PALM2AKAP2: variants seen among roughly 807,000 people sequenced by gnomAD.
PALM2AKAP2 encodes PALM2 and AKAP2 fusion.
A neutral mutation model predicts 71.5 loss-of-function variants in PALM2AKAP2; 37 were observed. The ratio of observed to expected loss-of-function variants is 0.52; its 90% CI spans 0.40 to 0.68. The LOEUF is 0.68. PALM2AKAP2 is among the 30% of genes least tolerant of loss of function. The pLI is 0.00. For missense variants in PALM2AKAP2, 1,224 were observed against 1,191.8 expected, an observed-to-expected ratio of 1.03 and a Z score of -0.40; for synonymous variants, 468 against 478.8, an observed-to-expected ratio of 0.98 and a Z score of 0.29.
intron 1 of PALM2AKAP2, among the ~76,000 whole-genome samples, chr9:109,861,020 T>C (rs1274977088): frequency 2.0e-5 from 3 of 152,282 alleles, no homozygotes; most frequent in African/African-American, 7.2e-5. Context: ...GTCTAAATTC[T>C]GTGATCTCAT....
chr9:110,075,112 T>G (rs1270994156), intron 1 of PALM2AKAP2, among the ~76,000 whole-genome samples: 1 of 152,258 alleles, frequency 6.6e-6, no homozygotes, highest in African/African-American at 2.4e-5. Flanking sequence ...ATTGACAATC[T>G]TGAAAAAATT....
intron 2 of PALM2AKAP2, among the ~76,000 whole-genome samples, chr9:110,140,357 A>T (rs576475043): frequency 6.6e-6 from 1 of 152,290 alleles, no homozygotes; most frequent in East Asian, 1.9e-4. Flanking sequence ...TTCCAGTTTC[A>T]TCTTATACTT....
intron 1 of PALM2AKAP2, among the ~76,000 whole-genome samples, chr9:110,051,099 T>C (rs891459980): frequency 2.0e-5 from 3 of 152,220 alleles, no homozygotes; most frequent in African/African-American, 7.2e-5. Flanking sequence ...CATTTCACTT[T>C]CTTTCTGGGA....
At chr9:109,953,834 C>CAAAA (rs34719180) in intron 6 of PALM2AKAP2, among the ~76,000 whole-genome samples, 43 of 48,530 alleles carry the variant, frequency 8.9e-4, no homozygotes, top group African/African-American at 1.0e-3. Flanking sequence ...GACTCCATCT[C>CAAAA]AAAAAAAAAA....
At chr9:109,683,773 G>A (rs950448541) in intron 1 of PALM2AKAP2, among the ~76,000 whole-genome samples, 1 of 152,022 alleles carries the variant, frequency 6.6e-6, no homozygotes, top group Non-Finnish European at 1.5e-5. Flanking sequence ...ATGCTGGTAG[G>A]TTAGATTACT....
intron 1 of PALM2AKAP2, among the ~76,000 whole-genome samples, chr9:109,662,925 T>C (rs2118461865): frequency 6.6e-6 from 1 of 152,334 alleles, no homozygotes. Flanking sequence ...AATTTATCCA[T>C]TTCTTCTAGA....
chr9:109,830,942 C>G (rs771954504), intron 1 of PALM2AKAP2, among the ~76,000 whole-genome samples: 1 of 151,916 alleles, frequency 6.6e-6, no homozygotes, highest in African/African-American at 2.4e-5. Flanking sequence ...AACCTTCATG[C>G]GACCCTAGAT....
At chr9:109,737,101 G>C (rs190350765) in intron 1 of PALM2AKAP2, among the ~76,000 whole-genome samples, 1 of 152,186 alleles carries the variant, frequency 6.6e-6, no homozygotes, top group Admixed American at 6.5e-5. Flanking sequence ...GCCAGGAAGC[G>C]TTCTTTCTCA....
chr9:110,113,245 T>C (rs1281173967), intron 1 of PALM2AKAP2, among the ~76,000 whole-genome samples: 1 of 7,512 alleles, frequency 1.3e-4, no homozygotes, highest in Non-Finnish European at 3.0e-4. Context: ...GTTTTTTTCT[T>C]TTTTTTTTTT....
chr9:109,870,466 A>T (rs779228590), intron 2 of PALM2AKAP2, among the ~76,000 whole-genome samples: 17 of 152,192 alleles, frequency 1.1e-4, no homozygotes, highest in African/African-American at 4.1e-4. Context: ...GTAGCCTGTT[A>T]GCCACCGTCA....
chr9:109,807,192 A>C (rs1249866053), intron 1 of PALM2AKAP2, among the ~76,000 whole-genome samples: 4 of 152,200 alleles, frequency 2.6e-5, no homozygotes, highest in Admixed American at 1.3e-4. Context: ...GAGGTAAGCA[A>C]CTAGAAGGAT....
intron 1 of PALM2AKAP2, 142 bp from the exon 2 acceptor site, chr9:109,867,349 G>A: frequency 2.3e-6 from 2 of 853,764 alleles, no homozygotes; most frequent in South Asian, 2.9e-5. Flanking sequence ...AGAGACGGTG[G>A]GGCAGGTGAC....
intron 6 of PALM2AKAP2, among the ~76,000 whole-genome samples, chr9:109,973,417 A>G (rs1474213903): frequency 6.6e-6 from 1 of 152,208 alleles, no homozygotes; most frequent in Non-Finnish European, 1.5e-5. Context: ...ATCAGCCCCT[A>G]TATGGAACAT....
intron 1 of PALM2AKAP2, among the ~76,000 whole-genome samples, chr9:109,760,048 T>G (rs192430399): frequency 6.6e-6 from 1 of 152,272 alleles, no homozygotes; most frequent in East Asian, 1.9e-4. Flanking sequence ...ACTTCTGTTG[T>G]CAAGCCACCC....
At chr9:109,661,468 G>A (rs1387999477) in intron 1 of PALM2AKAP2, among the ~76,000 whole-genome samples, 5 of 152,110 alleles carry the variant, frequency 3.3e-5, no homozygotes, top group Admixed American at 1.3e-4. Context: ...AAGATCAGAT[G>A]GTTGTAGATG....
At chr9:109,642,599 C>T (rs148261493) in intron 1 of PALM2AKAP2, among the ~76,000 whole-genome samples, 2,993 of 151,602 alleles carry the variant, frequency 0.02, 96 homozygotes, top group African/African-American at 0.064. Context: ...ACTCTGTCAC[C>T]CAGGCTGGAG....
At chr9:109,985,318 C>A (rs1832352137) in intron 6 of PALM2AKAP2, among the ~76,000 whole-genome samples, 1 of 152,128 alleles carries the variant, frequency 6.6e-6, no homozygotes, top group Non-Finnish European at 1.5e-5. Flanking sequence ...TGGGCTTTTT[C>A]CCCAATGTGA....
intron 1 of PALM2AKAP2, among the ~76,000 whole-genome samples, chr9:109,642,408 C>A (rs1827083748): frequency 6.6e-6 from 1 of 150,726 alleles, no homozygotes; most frequent in Non-Finnish European, 1.5e-5. Flanking sequence ...TAAATATCAT[C>A]TATTATCTAT....
rs557758375 is a variant in PALM2AKAP2, at chr9:110,160,033, C to T, written c.2748+3536C>T. Among the ~76,000 whole-genome samples the T allele has an allele frequency of 9.9e-5, 15 of 152,284 alleles. No homozygotes were observed. In the East Asian group the frequency reaches 2.9e-3, roughly 29 times the overall value. On this transcript the variant is annotated intron_variant, in intron 3 of 3. Coordinates refer to ENST00000374525, the Ensembl canonical transcript of PALM2AKAP2. ...ATCTCCAGCCTCACTTATTAATGGA[C>T]CTCTTGGCTAATTCTGAGGGCAGGA...
Sources: allele counts gnomAD v4.1 joint callset (sites outside exome capture counted in the v4.1 genomes callset), GRCh38; gene constraint gnomAD v4.1.1; transcripts MANE v1.5; gene names NCBI Gene and HGNC (gene_info 2026-07-23, HGNC 2026-07-21).